The following PDE10A variants were observed in gnomAD, a reference collection of about 807,000 sequenced individuals.
PDE10A encodes the protein phosphodiesterase 10A.
A neutral mutation model predicts 97.7 loss-of-function variants in PDE10A; 39 were observed. That is an observed-to-expected ratio of 0.40 (90% CI 0.31 to 0.52). The LOEUF (loss-of-function observed/expected upper bound fraction) is 0.52, where lower values mean the gene tolerates loss of function less well. PDE10A is among the 20% of genes least tolerant of loss of function. PDE10A has a pLI of 0.56. For missense variants in PDE10A, 731 were observed against 1,047.8 expected (o/e 0.70, Z 4.17); for synonymous variants, 371 against 376.8 (o/e 0.98, Z 0.18).
intron 1 of PDE10A, among the ~76,000 whole-genome samples, chr6:165,562,014 T>G (rs1244244689): frequency 6.6e-6 from 1 of 152,162 alleles, no homozygotes; most frequent in Non-Finnish European, 1.5e-5. Flanking sequence ...CTCATGCCTG[T>G]AATCCCAATA....
At chr6:165,443,498 T>A (rs1214090233) in intron 5 of PDE10A, among the ~76,000 whole-genome samples, 1 of 152,146 alleles carries the variant, frequency 6.6e-6, no homozygotes, top group East Asian at 1.9e-4. Context: ...CTGCTACTAA[T>A]CCAGGCGCAT....
chr6:165,430,174 G>A, intron 9 of PDE10A, 113 bp downstream of exon 9: 1 of 696,096 alleles, frequency 1.4e-6, no homozygotes, highest in Non-Finnish European at 2.5e-6. Context: ...TACTTGTAAA[G>A]ACGGATCTTC....
At chr6:165,551,042 A>G (rs1375488190) in intron 1 of PDE10A, among the ~76,000 whole-genome samples, 1 of 152,228 alleles carries the variant, frequency 6.6e-6, no homozygotes. Context: ...TGTCAAGTTA[A>G]AAGAAAACGT....
At chr6:165,762,166 T>C (rs530492081) in intron 1 of PDE10A, among the ~76,000 whole-genome samples, 1 of 152,354 alleles carries the variant, frequency 6.6e-6, no homozygotes, top group African/African-American at 2.4e-5. Flanking sequence ...ATCTGCTTCC[T>C]ATTGAAAAAC....
At chr6:165,651,831 C>T (rs903510717) in intron 1 of PDE10A, among the ~76,000 whole-genome samples, 4 of 152,138 alleles carry the variant, frequency 2.6e-5, no homozygotes, top group Admixed American at 6.5e-5. Context: ...AGGTGCTCTG[C>T]ATGGAATAAT....
At chr6:165,817,456 G>A (rs1227207384) in intron 1 of PDE10A, among the ~76,000 whole-genome samples, 1 of 152,122 alleles carries the variant, frequency 6.6e-6, no homozygotes, top group Admixed American at 6.5e-5. Context: ...ACATACACAC[G>A]CCTCCCATGT....
intron 1 of PDE10A, among the ~76,000 whole-genome samples, chr6:165,678,629 C>T (rs1790892351): frequency 6.6e-6 from 1 of 152,102 alleles, no homozygotes; most frequent in South Asian, 2.1e-4. Context: ...CCACCCGGTC[C>T]CCAGCCCGTG....
chr6:165,742,938 C>G (rs929798384), intron 1 of PDE10A, among the ~76,000 whole-genome samples: 1 of 152,224 alleles, frequency 6.6e-6, no homozygotes, highest in South Asian at 2.1e-4. Flanking sequence ...ACTTGCTCAA[C>G]TGATGCTCCT....
intron 1 of PDE10A, among the ~76,000 whole-genome samples, chr6:165,957,804 AAGAC>A (rs1784180979): frequency 6.6e-6 from 1 of 152,344 alleles, no homozygotes; most frequent in South Asian, 2.1e-4. Flanking sequence ...TAATAATACT[AAGAC>A]AGAACCACCT....
intron 1 of PDE10A, among the ~76,000 whole-genome samples, chr6:165,674,500 G>T (rs908575212): frequency 1.3e-5 from 2 of 152,186 alleles, no homozygotes; most frequent in Non-Finnish European, 2.9e-5. Context: ...ACGTGCGTGC[G>T]TGGGAACCGT....
At chr6:165,704,721 G>A (rs1791665194) in intron 1 of PDE10A, among the ~76,000 whole-genome samples, 2 of 152,178 alleles carry the variant, frequency 1.3e-5, no homozygotes, top group African/African-American at 2.4e-5. Context: ...TCTTTTTGTG[G>A]ATGTATGAGA....
chr6:165,460,070 A>T (rs1479071783), intron 3 of PDE10A, among the ~76,000 whole-genome samples: 1 of 152,198 alleles, frequency 6.6e-6, no homozygotes, highest in Non-Finnish European at 1.5e-5. Flanking sequence ...GGGCATTTCC[A>T]GCTCAGGCCA....
intron 1 of PDE10A, among the ~76,000 whole-genome samples, chr6:165,572,897 G>A (rs889986121): frequency 6.6e-6 from 1 of 152,220 alleles, no homozygotes; most frequent in South Asian, 2.1e-4. Context: ...TCACCATTCT[G>A]TAGAGTGCTA....
chr6:165,563,451 T>C (rs142848043), intron 1 of PDE10A, among the ~76,000 whole-genome samples: 1,815 of 152,304 alleles, frequency 0.012, 13 homozygotes, highest in Non-Finnish European at 0.02. Context: ...TTCTTGGTAC[T>C]GCCCCTCACA....
intron 1 of PDE10A, among the ~76,000 whole-genome samples, chr6:165,796,609 T>A (rs978781333): frequency 1.3e-5 from 2 of 152,154 alleles, no homozygotes; most frequent in Non-Finnish European, 2.9e-5. Flanking sequence ...AAATAAAATT[T>A]TTTCCTTTCA....
chr6:165,825,537 T>C (rs999961586), intron 1 of PDE10A, among the ~76,000 whole-genome samples: 3 of 152,168 alleles, frequency 2.0e-5, no homozygotes, highest in African/African-American at 7.2e-5. Context: ...TTGTCCCTTG[T>C]GCTGAGTCTA....
At chr6:165,549,489 C>T (rs1397190682) in intron 1 of PDE10A, among the ~76,000 whole-genome samples, 1 of 151,952 alleles carries the variant, frequency 6.6e-6, no homozygotes, top group African/African-American at 2.4e-5. Flanking sequence ...CACGCCCGGC[C>T]AATTTTTTGT....
chr6:165,778,680 G>A (rs1298933079), intron 1 of PDE10A, among the ~76,000 whole-genome samples: 7 of 152,094 alleles, frequency 4.6e-5, no homozygotes, highest in African/African-American at 1.7e-4. Flanking sequence ...CATCAATAAC[G>A]GGTAAGGATT....
chr6:165,448,776 C>T lies in PDE10A; in HGVS notation c.1194+152G>A, dbSNP rs537346441. The T allele has an allele frequency of 1.1e-4, 59 of 536,296 alleles. No individual in the cohort carries two copies. In the Middle Eastern group the frequency reaches 2.5e-3, roughly 23 times the overall value. The allele number at this position is 536,296 out of a possible 1,614,324, so 33.2% of individuals were successfully genotyped here. A position where few individuals can be genotyped will look rare whatever the true frequency, so the allele number is the denominator to read the frequency against. ...TAAATGTTGCCATGTCAGTAAAATT[C>T]TTGACTGGTAATAACCAAATATAGA... On this transcript the variant is annotated intron_variant, in intron 5 of 21. Coordinates refer to ENST00000539869, the MANE Select transcript of PDE10A (RefSeq NM_001385079.1).
Sources: gnomAD v4.1 joint callset for allele counts (sites outside exome capture counted in the v4.1 genomes callset) on GRCh38, gnomAD v4.1.1 for gene constraint, MANE v1.5 for transcripts, NCBI Gene and HGNC (gene_info 2026-07-23, HGNC 2026-07-21) for gene names.